The following CRYBB1 variants were observed in gnomAD, a reference collection of about 807,000 sequenced individuals.
The protein encoded by CRYBB1 is crystallin beta B1, also known as beta-crystallin B1.
A neutral mutation model predicts 29.5 loss-of-function variants in CRYBB1; 16 were observed. The observed-to-expected ratio is 0.54, with a 90% confidence interval of 0.37 to 0.82. CRYBB1 has a LOEUF of 0.82. CRYBB1 is among the 40% of genes least tolerant of loss of function. The probability of loss-of-function intolerance (pLI) is 0.00; values close to 1 mark genes in which losing one functional copy is unlikely to be tolerated. For missense variants in CRYBB1, 300 were observed against 350.5 expected (o/e 0.86, Z 1.15); for synonymous variants, 127 against 136.7 (o/e 0.93, Z 0.49).
chr22:26,600,677 T>A (rs1431152708), intron 5 of CRYBB1, among the ~76,000 whole-genome samples: 1 of 152,262 alleles, frequency 6.6e-6, no homozygotes, highest in South Asian at 2.1e-4. Flanking sequence ...AAGCACTCAA[T>A]AGAAGTTATC....
At chr22:26,599,737 C>T in intron 5 of CRYBB1, 64 bp from the exon 6 acceptor site, 1 of 1,297,092 alleles carries the variant, frequency 7.7e-7, no homozygotes, top group Non-Finnish European at 1.1e-6. Flanking sequence ...ACCCAGACCC[C>T]TGCCAGACCA....
intron 2 of CRYBB1, among the ~76,000 whole-genome samples, chr22:26,614,709 C>T (rs146400311): frequency 3.5e-4 from 54 of 152,240 alleles, no homozygotes; most frequent in African/African-American, 1.2e-3. Context: ...ACAAGTAAAT[C>T]GGCCAGTTGC....
In CRYBB1 at chr22:26,608,038, C is replaced by A. The variant is rs766976629; in HGVS notation, c.300-17G>T. 27 of 1,614,004 alleles carry A rather than the reference C, an allele frequency of 1.7e-5. 1 individual carries two copies. In the South Asian group the frequency reaches 2.9e-4, roughly 17 times the overall value. ...GCGACCCAGCTGGATACAAGAAGGA[C>A]CATGAGGCAGACAGGAGACATATGG... On this transcript the variant is annotated splice_polypyrimidine_tract_variant and intron_variant, in intron 3 of 5. Coordinates refer to ENST00000647684, the MANE Select transcript of CRYBB1 (RefSeq NM_001887.4).
At chr22:26,604,279 G>A (rs544841829) in intron 4 of CRYBB1, among the ~76,000 whole-genome samples, 2 of 152,338 alleles carry the variant, frequency 1.3e-5, no homozygotes, top group South Asian at 4.1e-4. Context: ...CTTTTAAAAT[G>A]CATGTTATCA....
chr22:26,608,523 G>A (rs1217281829), intron 3 of CRYBB1, among the ~76,000 whole-genome samples: 1 of 152,114 alleles, frequency 6.6e-6, no homozygotes, highest in African/African-American at 2.4e-5. Flanking sequence ...AGCAGACAAT[G>A]GTGTAATAGC....
At chr22:26,607,740 G>A in intron 4 of CRYBB1, 149 bp downstream of exon 4, 3 of 1,018,092 alleles carry the variant, frequency 2.9e-6, no homozygotes, top group Non-Finnish European at 4.5e-6. Flanking sequence ...GAATTGATGA[G>A]CTCAAGAATC....
intron 2 of CRYBB1, among the ~76,000 whole-genome samples, chr22:26,613,564 A>C (rs1407681309): frequency 6.6e-6 from 1 of 152,224 alleles, no homozygotes; most frequent in African/African-American, 2.4e-5. Context: ...GATTTCATGG[A>C]CACTTATCAC....
intron 4 of CRYBB1, among the ~76,000 whole-genome samples, chr22:26,603,100 T>C (rs1259025122): frequency 7.7e-6 from 1 of 129,694 alleles, no homozygotes; most frequent in East Asian, 2.3e-4. Flanking sequence ...CACACCAACC[T>C]GGGCAACAGA....
chr22:26,612,260 T>C, intron 2 of CRYBB1, 70 bp from the exon 3 acceptor site: 1 of 1,035,428 alleles, frequency 9.7e-7, no homozygotes, highest in East Asian at 2.4e-5. Flanking sequence ...AGTATCTACA[T>C]AAATAAAAGC....
chr22:26,611,768 C>A (rs1321326057), intron 3 of CRYBB1, among the ~76,000 whole-genome samples: 1 of 152,130 alleles, frequency 6.6e-6, no homozygotes, highest in African/African-American at 2.4e-5. Context: ...GCCACCGCGC[C>A]CGGCCGGGCT....
At chr22:26,607,847 C>G (rs1929030527) in intron 4 of CRYBB1, 42 bp downstream of exon 4, 3 of 1,613,766 alleles carry the variant, frequency 1.9e-6, no homozygotes, top group Non-Finnish European at 2.5e-6. Flanking sequence ...CTGCCCTGCC[C>G]CGCCTGGCTG....
At chr22:26,614,740 C>G (rs1451962069) in intron 2 of CRYBB1, among the ~76,000 whole-genome samples, 1 of 152,072 alleles carries the variant, frequency 6.6e-6, no homozygotes, top group African/African-American at 2.4e-5. Flanking sequence ...ACCTATAATT[C>G]CAGCACTTGG....
chr22:26,606,010 GA>G (rs1162369639), intron 4 of CRYBB1, among the ~76,000 whole-genome samples: 2 of 152,204 alleles, frequency 1.3e-5, no homozygotes, highest in African/African-American at 4.8e-5. Context: ...AACATTATGA[GA>G]TTTTTTTTGC....
chr22:26,607,063 C>A (rs1005923240), intron 4 of CRYBB1, among the ~76,000 whole-genome samples: 1 of 145,102 alleles, frequency 6.9e-6, no homozygotes, highest in African/African-American at 2.6e-5. Flanking sequence ...GGCACCGTCA[C>A]CCCGGCTGGA....
intron 4 of CRYBB1, among the ~76,000 whole-genome samples, chr22:26,604,169 G>A (rs1294907900): frequency 6.6e-6 from 1 of 152,064 alleles, no homozygotes; most frequent in East Asian, 1.9e-4. Context: ...CAGTGTCTAG[G>A]TTCAAACCCA....
At chr22:26,615,150 G>A (rs189155465) in intron 2 of CRYBB1, among the ~76,000 whole-genome samples, 1 of 152,324 alleles carries the variant, frequency 6.6e-6, no homozygotes, top group Admixed American at 6.5e-5. Flanking sequence ...CCACATGAGA[G>A]CGTGTCATGA....
chr22:26,616,630 T>A (rs1929365958), intron 1 of CRYBB1, among the ~76,000 whole-genome samples: 2 of 152,194 alleles, frequency 1.3e-5, no homozygotes, highest in Non-Finnish European at 1.5e-5. Context: ...CCCCTGCAAT[T>A]TTCCACACTG....
At chr22:26,617,574 T>TTC (rs144409587) in intron 1 of CRYBB1, among the ~76,000 whole-genome samples, 1 of 151,296 alleles carries the variant, frequency 6.6e-6, no homozygotes, top group African/African-American at 2.4e-5. Context: ...GATATTCTCA[T>TTC]TCTCTCTCTC....
At chr22:26,601,179 G>A (rs979687639) in intron 5 of CRYBB1, among the ~76,000 whole-genome samples, 3 of 152,186 alleles carry the variant, frequency 2.0e-5, no homozygotes, top group African/African-American at 7.2e-5. Flanking sequence ...GAGAGACAGA[G>A]CCTTACGTTT....
Sources: gnomAD v4.1 joint callset for allele counts (sites outside exome capture counted in the v4.1 genomes callset) on GRCh38, gnomAD v4.1.1 for gene constraint, MANE v1.5 for transcripts, NCBI Gene and HGNC (gene_info 2026-07-23, HGNC 2026-07-21) for gene names.